ERC2: variants seen among roughly 807,000 people sequenced by gnomAD.
ERC2 encodes ELKS/RAB6-interacting/CAST family member 2, also known as ERC protein 2.
ERC2 carries 42 observed loss-of-function variants against 114.8 expected under a neutral mutation model. The ratio of observed to expected loss-of-function variants is 0.37; its 90% CI spans 0.29 to 0.47. The LOEUF (loss-of-function observed/expected upper bound fraction) is 0.47. Among genes scored for constraint, ERC2 ranks in the 20% least tolerant of loss-of-function variants. The pLI is 0.99. For missense variants in ERC2, 939 were observed against 1,150.7 expected, an observed-to-expected ratio of 0.82 and a Z score of 2.66; for synonymous variants, 454 against 425.5, an observed-to-expected ratio of 1.07 and a Z score of -0.82.
At chr3:55,799,437 T>TTATATATATATGCATATATATATA (rs2070829881) in intron 14 of ERC2, among the ~76,000 whole-genome samples, 2 of 103,286 alleles carry the variant, frequency 1.9e-5, no homozygotes, top group East Asian at 2.5e-4. Flanking sequence ...TATATATGCC[T>TTATATATATATGCATATATATATA]TATATATATA....
intron 17 of ERC2, among the ~76,000 whole-genome samples, chr3:55,530,721 G>C (rs2053612843): frequency 6.6e-6 from 1 of 152,202 alleles, no homozygotes; most frequent in Non-Finnish European, 1.5e-5. Context: ...TCAGAAGGAA[G>C]AAATGGTTGG....
intron 1 of ERC2, among the ~76,000 whole-genome samples, chr3:56,453,663 T>G (rs529840702): frequency 6.6e-6 from 1 of 152,346 alleles, no homozygotes; most frequent in East Asian, 1.9e-4. Context: ...AATAATTTAT[T>G]TTCAGATACA....
intron 14 of ERC2, among the ~76,000 whole-genome samples, chr3:55,875,560 T>C (rs1159852952): frequency 6.6e-6 from 1 of 152,202 alleles, no homozygotes; most frequent in Non-Finnish European, 1.5e-5. Flanking sequence ...CCCACTTGAC[T>C]GGCAGCTTGG....
intron 14 of ERC2, among the ~76,000 whole-genome samples, chr3:55,783,533 A>T (rs996950316): frequency 5.3e-5 from 8 of 152,180 alleles, no homozygotes; most frequent in African/African-American, 1.9e-4. Context: ...TTTACTTTTA[A>T]AATATTTCAC....
intron 17 of ERC2, among the ~76,000 whole-genome samples, chr3:55,525,535 C>T (rs183549265): frequency 7.0e-4 from 107 of 152,150 alleles, no homozygotes; most frequent in Admixed American, 6.6e-3. Context: ...TAGGAGCTAC[C>T]GAGTGGAAGA....
At chr3:56,384,610 T>G (rs942071127) in intron 2 of ERC2, among the ~76,000 whole-genome samples, 1 of 152,180 alleles carries the variant, frequency 6.6e-6, no homozygotes, top group Admixed American at 6.5e-5. Flanking sequence ...TATTAATCCC[T>G]TAACAGATAT....
intron 3 of ERC2, among the ~76,000 whole-genome samples, chr3:56,193,214 G>A (rs924500422): frequency 1.3e-5 from 2 of 152,104 alleles, no homozygotes; most frequent in African/African-American, 4.8e-5. Context: ...GTGAAAAAGT[G>A]ACTGAAAGAA....
chr3:56,365,168 T>C (rs1346384539), intron 2 of ERC2, among the ~76,000 whole-genome samples: 3 of 152,234 alleles, frequency 2.0e-5, no homozygotes, highest in Non-Finnish European at 1.5e-5. Flanking sequence ...ATTACACTGA[T>C]GTGAGTACAG....
chr3:55,931,540 C>CA (rs937702588), intron 13 of ERC2, among the ~76,000 whole-genome samples: 78 of 152,038 alleles, frequency 5.1e-4, no homozygotes, highest in Admixed American at 2.4e-3. Context: ...TTCATAAATG[C>CA]AAATTGAACA....
At chr3:55,961,044 C>A (rs113424307) in intron 12 of ERC2, among the ~76,000 whole-genome samples, 17 of 152,246 alleles carry the variant, frequency 1.1e-4, no homozygotes, top group African/African-American at 4.1e-4. Flanking sequence ...TGAGCTACTC[C>A]GCTGGGGCGG....
rs190633424 is a variant in ERC2 at position 56,444,056 on chromosome 3, G to A, written c.-140-8909C>T. On this transcript the variant is annotated intron_variant, in intron 1 of 17. Transcript: ENST00000288221. Reference sequence around the variant, plus strand: ...TGGCTCACTGCAAGCTCCGCCTCCCGGGTTCACGCCATTCTCCTGACTCAG... The same window carrying A: ...TGGCTCACTGCAAGCTCCGCCTCCCAGGTTCACGCCATTCTCCTGACTCAG... Among the ~76,000 whole-genome samples, 1,038 of 143,486 alleles carry A rather than the reference G, an allele frequency of 7.2e-3. 22 individuals are homozygous for A. The highest frequency in any genetic ancestry group is 0.025 in the African/African-American group (978 of 38,856). 94.1% of individuals were successfully genotyped at this position (143,486 alleles called of 152,430 possible). A position where few individuals can be genotyped will look rare whatever the true frequency, so the allele number is the denominator to read the frequency against.
At chr3:56,345,661 C>T (rs2058278010) in intron 2 of ERC2, among the ~76,000 whole-genome samples, 1 of 152,200 alleles carries the variant, frequency 6.6e-6, no homozygotes, top group South Asian at 2.1e-4. Context: ...TGCGCAGAAA[C>T]TAGTGGCAGG....
intron 10 of ERC2, among the ~76,000 whole-genome samples, chr3:56,000,013 C>A (rs567598310): frequency 2.0e-3 from 303 of 151,720 alleles, no homozygotes; most frequent in African/African-American, 7.0e-3. Flanking sequence ...TTTGACCCAA[C>A]AAATTAGAGA....
At chr3:56,191,820 C>T (rs2047806369) in intron 3 of ERC2, among the ~76,000 whole-genome samples, 1 of 152,062 alleles carries the variant, frequency 6.6e-6, no homozygotes, top group South Asian at 2.1e-4. Context: ...TCCCTTCAGT[C>T]ATGAACTCGG....
intron 6 of ERC2, among the ~76,000 whole-genome samples, chr3:56,100,193 G>T (rs974540120): frequency 6.6e-6 from 1 of 152,084 alleles, no homozygotes; most frequent in African/African-American, 2.4e-5. Context: ...AGAAAATGCT[G>T]CATTTGAATA....
chr3:55,732,985 G>A (rs2065350456), intron 15 of ERC2, among the ~76,000 whole-genome samples: 1 of 152,156 alleles, frequency 6.6e-6, no homozygotes. Flanking sequence ...GCAGCTGACT[G>A]ACCTGAGACC....
intron 3 of ERC2, among the ~76,000 whole-genome samples, chr3:56,230,336 C>T (rs2050538831): frequency 6.6e-6 from 1 of 152,150 alleles, no homozygotes; most frequent in Non-Finnish European, 1.5e-5. Context: ...TTATCAAACC[C>T]ATTATTTGAA....
rs534017229 is a variant in ERC2 at position 56,215,646 on chromosome 3, A to G, written c.1075-42126T>C. Among the ~76,000 whole-genome samples the G allele has an allele frequency of 1.3e-3, 197 of 152,328 alleles. 2 individuals are homozygous for G. Among genetic ancestry groups the G allele is most frequent in the African/African-American group, 4.5e-3 (188 of 41,582 alleles). ...CTCAGCTCTGCACCAAGCAGACCTA[A>G]TAGACACCTACAGAACTCTCCACCC... On this transcript the variant is annotated intron_variant, in intron 3 of 17. Coordinates refer to ENST00000288221, the MANE Select transcript of ERC2 (RefSeq NM_015576.3).
chr3:55,905,611 C>T (rs1247309182), intron 13 of ERC2, among the ~76,000 whole-genome samples: 1 of 152,086 alleles, frequency 6.6e-6, no homozygotes, highest in African/African-American at 2.4e-5. Flanking sequence ...GCATTGACTT[C>T]CAAAATCAAA....
Sources: gnomAD v4.1 joint callset for allele counts (sites outside exome capture counted in the v4.1 genomes callset) on GRCh38, gnomAD v4.1.1 for gene constraint, MANE v1.5 for transcripts, NCBI Gene and HGNC (gene_info 2026-07-23, HGNC 2026-07-21) for gene names.